Variants in DYNC2I1 observed in about 807,000 individuals in gnomAD.
DYNC2I1 encodes dynein 2 intermediate chain 1.
DYNC2I1 carries 89 observed loss-of-function variants against 133.4 expected under a neutral mutation model. The ratio of observed to expected loss-of-function variants is 0.67; its 90% CI spans 0.56 to 0.80. DYNC2I1 has a LOEUF of 0.80. DYNC2I1 is among the 30% of genes least tolerant of loss of function. The pLI is 0.00. For missense variants in DYNC2I1, 1,291 were observed against 1,314.5 expected, an observed-to-expected ratio of 0.98 and a Z score of 0.28; for synonymous variants, 504 against 484.3, an observed-to-expected ratio of 1.04 and a Z score of -0.54.
chr7:158,901,723 T>A lies in DYNC2I1; in HGVS notation c.1060-16T>A. 1 of 1,549,210 alleles carries A rather than the reference T, an allele frequency of 6.5e-7. No individual in the cohort carries two copies. Among genetic ancestry groups the A allele is most frequent in the African/African-American group, 1.4e-5 (1 of 73,100 alleles). ...TGATTGAATTTTTTGGTTTTGTGTT[T>A]GATTTTTACCTCTAGGAAATTGAAA... On this transcript the variant is annotated splice_polypyrimidine_tract_variant and intron_variant, in intron 8 of 24. Coordinates refer to ENST00000407559, the MANE Select transcript of DYNC2I1 (RefSeq NM_018051.5).
intron 8 of DYNC2I1, among the ~76,000 whole-genome samples, chr7:158,895,614 A>C (rs985171665): frequency 6.6e-6 from 1 of 152,142 alleles, no homozygotes; most frequent in African/African-American, 2.4e-5. Flanking sequence ...TGTGTTGACT[A>C]TTCTGGATCT....
chr7:158,906,153 T>C, intron 11 of DYNC2I1, 62 bp downstream of exon 11: 2 of 1,447,056 alleles, frequency 1.4e-6, no homozygotes, highest in Non-Finnish European at 1.9e-6. Flanking sequence ...TTCTTTCACA[T>C]ACTTTTAAAA....
chr7:158,895,110 T>G (rs1845641884), intron 8 of DYNC2I1, among the ~76,000 whole-genome samples: 1 of 152,254 alleles, frequency 6.6e-6, no homozygotes, highest in Non-Finnish European at 1.5e-5. Flanking sequence ...CTTGTCTTCC[T>G]GTTGACATTG....
rs536138981 is a variant in DYNC2I1, at chr7:158,882,421, C to CA, written c.880-2132dup. Among the ~76,000 whole-genome samples, 1,116 of 147,120 alleles carry CA rather than the reference C, an allele frequency of 7.6e-3. 10 individuals are homozygous for CA. Among genetic ancestry groups the CA allele is most frequent in the Non-Finnish European group, 0.011 (715 of 66,410 alleles). ...AAATATAGTGAGACCCCATCTCTAC[C>CA]AAAAAAAAAAATTTAGCCAGGCATG... On this transcript the variant is annotated intron_variant, in intron 5 of 24. Transcript: ENST00000407559.
At chr7:158,901,594 C>A in intron 8 of DYNC2I1, 145 bp from the exon 9 acceptor site, 1 of 597,408 alleles carries the variant, frequency 1.7e-6, no homozygotes, top group South Asian at 2.2e-5. Flanking sequence ...AGGAATTTAA[C>A]ATTATATTAG....
chr7:158,914,137 T>G, intron 13 of DYNC2I1, 96 bp from the exon 14 acceptor site: 2 of 929,618 alleles, frequency 2.2e-6, no homozygotes, highest in South Asian at 3.5e-5. Flanking sequence ...GGACTCTTAA[T>G]GTTGATTTGT....
rs925187409 is a variant in DYNC2I1 at position 158,945,328 on chromosome 7, C to G, written c.3003-253C>G. Among the ~76,000 whole-genome samples, 1 of 152,182 alleles carries G rather than the reference C, an allele frequency of 6.6e-6. No homozygotes were observed. The highest frequency in any genetic ancestry group is 1.9e-4 in the East Asian group (1 of 5,194). The stretch of plus-strand genomic sequence containing the variant: ...CCAGGGACCTGCTGGGGGCTACTGA[C>G]TCCCGGCCTGAGGAGACAGCAGCAC... On this transcript the variant is annotated intron_variant, in intron 24 of 24. Transcript: ENST00000407559. The surrounding 1 kb of genome is among the most constrained non-coding windows in gnomAD (Gnocchi z 4.1).
intron 11 of DYNC2I1, among the ~76,000 whole-genome samples, chr7:158,909,907 T>TG (rs1487841137): frequency 6.6e-6 from 1 of 152,188 alleles, no homozygotes; most frequent in Non-Finnish European, 1.5e-5. Context: ...CCTGCAGGCC[T>TG]GTGCTCTAGG....
At chr7:158,868,008 C>T (rs1842556223) in intron 1 of DYNC2I1, among the ~76,000 whole-genome samples, 1 of 152,054 alleles carries the variant, frequency 6.6e-6, no homozygotes, top group Non-Finnish European at 1.5e-5. Context: ...ACTCAGGAGG[C>T]TGAGGTGGGA....
intron 15 of DYNC2I1, among the ~76,000 whole-genome samples, chr7:158,921,594 G>T (rs1411532922): frequency 6.6e-6 from 1 of 152,124 alleles, no homozygotes; most frequent in Admixed American, 6.5e-5. Context: ...ATGAGCGATT[G>T]TGACGAGGTG....
chr7:158,912,538 A>G (rs942470640), intron 12 of DYNC2I1, among the ~76,000 whole-genome samples: 2 of 152,108 alleles, frequency 1.3e-5, no homozygotes, highest in Non-Finnish European at 2.9e-5. Flanking sequence ...ATCTCACTGT[A>G]GCCTTGAACT....
chr7:158,869,648 T>C (rs918477339), intron 1 of DYNC2I1, among the ~76,000 whole-genome samples: 1 of 152,244 alleles, frequency 6.6e-6, no homozygotes, highest in African/African-American at 2.4e-5. Flanking sequence ...AAGGAACACA[T>C]TTTATAATAA....
intron 7 of DYNC2I1, 90 bp downstream of exon 7, chr7:158,887,165 G>T: frequency 7.7e-7 from 1 of 1,301,140 alleles, no homozygotes; most frequent in Non-Finnish European, 1.1e-6. Context: ...GAAACCAGAG[G>T]CCGAGACAGG....
chr7:158,843,320 G>T, the DYNC2I1 span, among the ~76,000 whole-genome samples: 1 of 152,114 alleles, frequency 6.6e-6, no homozygotes, highest in African/African-American at 2.4e-5. Context: ...GAGTTCAGTG[G>T]CATGATATCA....
At position 158,891,246 on chromosome 7, in the gene DYNC2I1, GC is replaced by G. The variant is rs1216069129; in HGVS notation, c.991-18del. The G allele has an allele frequency of 2.5e-6, 4 of 1,613,868 alleles. No homozygotes were observed. The highest frequency in any genetic ancestry group is 2.5e-6 in the Non-Finnish European group (3 of 1,179,870). On this transcript the variant is annotated intron_variant, in intron 7 of 24. Coordinates refer to ENST00000407559, the MANE Select transcript of DYNC2I1 (RefSeq NM_018051.5). ...TCCCACCTGTGTCCTGGCTGATGGG[GC>G]TGTTCTCTCTCCATTAGCATGGCCA...
At chr7:158,946,351 G>T (rs1229390518), downstream of DYNC2I1, among the ~76,000 whole-genome samples, 1 of 152,232 alleles carries the variant, frequency 6.6e-6, no homozygotes, top group East Asian at 1.9e-4. Flanking sequence ...GAATTTTGTA[G>T]CTCAGGTAGA....
At chr7:158,913,848 A>G (rs1847738337) in intron 13 of DYNC2I1, among the ~76,000 whole-genome samples, 2 of 152,178 alleles carry the variant, frequency 1.3e-5, no homozygotes, top group Non-Finnish European at 2.9e-5. Context: ...AGCTGGGACT[A>G]CAAGCGCCTG....
chr7:158,862,659 G>A (rs181777716), intron 1 of DYNC2I1, among the ~76,000 whole-genome samples: 43 of 152,086 alleles, frequency 2.8e-4, no homozygotes, highest in Middle Eastern at 6.8e-3. Flanking sequence ...GGTCAAGGCT[G>A]TAGTGAGCTA....
chr7:158,839,404 G>A, the DYNC2I1 span, among the ~76,000 whole-genome samples: 1 of 132,860 alleles, frequency 7.5e-6, no homozygotes, highest in South Asian at 2.5e-4. Flanking sequence ...GGATGCTAAT[G>A]TGACTCCGTA....
Sources: allele counts gnomAD v4.1 joint callset (sites outside exome capture counted in the v4.1 genomes callset), GRCh38; gene constraint gnomAD v4.1.1; non-coding constraint Gnocchi (gnomAD v3.1); transcripts MANE v1.5; gene names NCBI Gene and HGNC (gene_info 2026-07-23, HGNC 2026-07-21).